FUT8: variants seen among roughly 807,000 people sequenced by gnomAD.
FUT8 encodes the protein alpha-(1,6)-fucosyltransferase.
Under a neutral mutation model 71.3 loss-of-function variants are expected in FUT8, and 29 were observed. The observed-to-expected ratio is 0.41, with a 90% CI of 0.30 to 0.55. The LOEUF is 0.55. Among genes scored for constraint, FUT8 ranks in the 20% least tolerant of loss-of-function variants. FUT8 has a pLI of 0.34. For missense variants in FUT8, 544 were observed against 702.1 expected (o/e 0.77, Z 2.55); for synonymous variants, 254 against 239.3 (o/e 1.06, Z -0.57).
chr14:65,731,715 G>A (rs1566922077), intron 9 of FUT8, among the ~76,000 whole-genome samples: 2 of 151,988 alleles, frequency 1.3e-5, no homozygotes, highest in African/African-American at 2.4e-5. Flanking sequence ...GGCTGGTCTC[G>A]AACTCTTGAG....
chr14:65,393,931 C>T, the FUT8 span, among the ~76,000 whole-genome samples: 2 of 152,066 alleles, frequency 1.3e-5, no homozygotes, highest in Non-Finnish European at 2.9e-5. Context: ...AGAGTGAGAG[C>T]CAAGTGAAAG....
the FUT8 span, among the ~76,000 whole-genome samples, chr14:65,364,549 C>T: frequency 2.0e-5 from 3 of 152,168 alleles, no homozygotes; most frequent in Non-Finnish European, 4.4e-5. Context: ...GCGCCCTTAT[C>T]GTTCTCAGCA....
intron 7 of FUT8, among the ~76,000 whole-genome samples, chr14:65,712,934 A>G (rs1894876752): frequency 6.6e-6 from 1 of 152,122 alleles, no homozygotes; most frequent in South Asian, 2.1e-4. Context: ...GTTTTTACTT[A>G]TTTTAAAATG....
chr14:65,597,087 G>A (rs1888019797), intron 3 of FUT8, among the ~76,000 whole-genome samples: 1 of 152,014 alleles, frequency 6.6e-6, no homozygotes, highest in Non-Finnish European at 1.5e-5. Flanking sequence ...AGTCTTTATG[G>A]TACTATTGTT....
intron 1 of FUT8, among the ~76,000 whole-genome samples, chr14:65,441,957 C>A (rs972335159): frequency 1.2e-4 from 18 of 151,922 alleles, no homozygotes; most frequent in Non-Finnish European, 2.4e-4. Context: ...CTCCCACAAC[C>A]CCACGACAGG....
At chr14:65,657,695 C>T (rs761131806) in intron 6 of FUT8, among the ~76,000 whole-genome samples, 3 of 151,624 alleles carry the variant, frequency 2.0e-5, no homozygotes, top group Non-Finnish European at 4.4e-5. Context: ...GTTGTGGGGG[C>T]GGGTAAGGGG....
intron 2 of FUT8, among the ~76,000 whole-genome samples, chr14:65,518,992 G>C (rs552089599): frequency 6.6e-6 from 1 of 152,228 alleles, no homozygotes; most frequent in East Asian, 1.9e-4. Context: ...ACATAATGAG[G>C]TCTACTATGT....
chr14:65,569,255 C>A (rs774147557), intron 3 of FUT8, among the ~76,000 whole-genome samples: 1 of 151,508 alleles, frequency 6.6e-6, no homozygotes, highest in Non-Finnish European at 1.5e-5. Context: ...TGTATTTTAT[C>A]AATTTTGGAA....
chr14:65,453,373 G>A (rs995507705), intron 1 of FUT8, among the ~76,000 whole-genome samples: 3 of 152,040 alleles, frequency 2.0e-5, no homozygotes, highest in Admixed American at 2.0e-4. Context: ...TAACTTTTAG[G>A]TATTGCTTTT....
intron 3 of FUT8, among the ~76,000 whole-genome samples, chr14:65,601,102 G>C (rs549695803): frequency 7.2e-5 from 11 of 152,176 alleles, no homozygotes; most frequent in African/African-American, 2.6e-4. Flanking sequence ...TGAGATTGTC[G>C]CTTGTCCCTT....
intron 2 of FUT8, among the ~76,000 whole-genome samples, chr14:65,549,079 C>G (rs1314774230): frequency 6.6e-6 from 1 of 152,132 alleles, no homozygotes; most frequent in Non-Finnish European, 1.5e-5. Flanking sequence ...CTGACAATAC[C>G]AAATGCTAGG....
chr14:65,604,634 C>T (rs992374687), intron 3 of FUT8, among the ~76,000 whole-genome samples: 1 of 151,814 alleles, frequency 6.6e-6, no homozygotes, highest in African/African-American at 2.4e-5. Flanking sequence ...CCTTAAATGC[C>T]TACATCAAAA....
chr14:65,470,980 C>A, intron 2 of FUT8: 1 of 406,686 alleles, frequency 2.5e-6, no homozygotes. Context: ...TTCTACTGTC[C>A]TTGCTTTTAT....
intron 7 of FUT8, among the ~76,000 whole-genome samples, chr14:65,691,587 G>C (rs180713833): frequency 1.4e-4 from 21 of 152,188 alleles, no homozygotes; most frequent in African/African-American, 4.6e-4. Context: ...ATTGGTCATA[G>C]TGTATAATTC....
intron 2 of FUT8, among the ~76,000 whole-genome samples, chr14:65,515,646 G>A (rs1882663995): frequency 6.6e-6 from 1 of 152,076 alleles, no homozygotes. Context: ...CATGTTAAAT[G>A]AGTTATGAAT....
chr14:65,544,749 T>A (rs1355407858), intron 2 of FUT8, among the ~76,000 whole-genome samples: 1 of 152,146 alleles, frequency 6.6e-6, no homozygotes, highest in Non-Finnish European at 1.5e-5. Context: ...TTTCAGTGAA[T>A]TAGTATTTTG....
At chr14:65,399,070 G>A in the FUT8 span, among the ~76,000 whole-genome samples, 1 of 152,212 alleles carries the variant, frequency 6.6e-6, no homozygotes, top group African/African-American at 2.4e-5. Context: ...TGTAATCCCA[G>A]CATTTTGGGA....
the FUT8 span, among the ~76,000 whole-genome samples, chr14:65,376,636 T>C: frequency 1.4e-5 from 2 of 147,924 alleles, no homozygotes; most frequent in Non-Finnish European, 3.0e-5. Context: ...GGTCTTGAAC[T>C]CCTGACCTCA....
intron 10 of FUT8, among the ~76,000 whole-genome samples, chr14:65,736,554 G>A (rs1238516715): frequency 3.3e-5 from 5 of 151,874 alleles, no homozygotes; most frequent in Non-Finnish European, 5.9e-5. Flanking sequence ...AGAGAATATT[G>A]CCATATGATG....
Sources: gnomAD v4.1 joint callset for allele counts (sites outside exome capture counted in the v4.1 genomes callset) on GRCh38, gnomAD v4.1.1 for gene constraint, MANE v1.5 for transcripts, NCBI Gene and HGNC (gene_info 2026-07-23, HGNC 2026-07-21) for gene names.